The following STK32B variants were observed in gnomAD, a reference collection of about 807,000 sequenced individuals.
The protein encoded by STK32B is serine/threonine-protein kinase 32B.
STK32B carries 43 observed loss-of-function variants against 52.6 expected under a neutral mutation model. That is an observed-to-expected ratio of 0.82 (90% CI 0.64 to 1.05). STK32B has a LOEUF of 1.05. Ranked by LOEUF, STK32B falls within the 50% of genes least tolerant of loss-of-function variation. STK32B has a pLI of 0.00. For missense variants in STK32B, 621 were observed against 534.6 expected (o/e 1.16, Z -1.59); for synonymous variants, 238 against 204.3 (o/e 1.17, Z -1.41).
At chr4:5,436,844 G>A (rs1020160485) in intron 6 of STK32B, among the ~76,000 whole-genome samples, 1 of 125,458 alleles carries the variant, frequency 8.0e-6, no homozygotes, top group African/African-American at 2.8e-5. Context: ...TTCTAATAAG[G>A]AGGTGTGGAG....
At chr4:5,054,262 C>T (rs892024778) in intron 1 of STK32B, among the ~76,000 whole-genome samples, 24 of 152,118 alleles carry the variant, frequency 1.6e-4, no homozygotes, top group African/African-American at 5.6e-4. Flanking sequence ...AGCAAGTAAA[C>T]CACCTGGAAA....
chr4:5,475,424 CAAAA>C (rs34219344), intron 11 of STK32B, among the ~76,000 whole-genome samples: 4 of 56,948 alleles, frequency 7.0e-5, no homozygotes, highest in Admixed American at 2.5e-4. Flanking sequence ...GACTCCATCT[CAAAA>C]AAAAAAAAAA....
At chr4:5,463,566 A>G (rs1385441550) in intron 9 of STK32B, among the ~76,000 whole-genome samples, 1 of 151,860 alleles carries the variant, frequency 6.6e-6, no homozygotes, top group Non-Finnish European at 1.5e-5. Flanking sequence ...TCACACACAT[A>G]CCTACTCATC....
chr4:5,479,098 T>C (rs929742140), intron 11 of STK32B, among the ~76,000 whole-genome samples: 1 of 144,108 alleles, frequency 6.9e-6, no homozygotes, highest in African/African-American at 2.7e-5. Context: ...TTTTTGTTGG[T>C]TTTTGTTTGT....
chr4:5,208,915 T>C (rs1415212043), intron 3 of STK32B, among the ~76,000 whole-genome samples: 1 of 152,262 alleles, frequency 6.6e-6, no homozygotes, highest in African/African-American at 2.4e-5. Context: ...CTTCATTCTT[T>C]ATAAACCTTT....
chr4:5,063,523 AG>A (rs991974283), intron 1 of STK32B, among the ~76,000 whole-genome samples: 57 of 152,122 alleles, frequency 3.7e-4, no homozygotes, highest in African/African-American at 1.3e-3. Flanking sequence ...TTGTATTTTT[AG>A]TAGAGACGGG....
chr4:5,124,342 G>A (rs980740641), intron 1 of STK32B, among the ~76,000 whole-genome samples: 4 of 152,162 alleles, frequency 2.6e-5, no homozygotes, highest in Admixed American at 6.5e-5. Flanking sequence ...TCTTAGTTCT[G>A]CAGCCTCCCT....
intron 2 of STK32B, among the ~76,000 whole-genome samples, chr4:5,147,200 A>G (rs1716980143): frequency 6.6e-6 from 1 of 152,090 alleles, no homozygotes; most frequent in South Asian, 2.1e-4. Flanking sequence ...GGGGGAAGAC[A>G]CTATTGTAAT....
chr4:5,365,820 G>A (rs1209436020), intron 4 of STK32B, among the ~76,000 whole-genome samples: 1 of 152,128 alleles, frequency 6.6e-6, no homozygotes, highest in Non-Finnish European at 1.5e-5. Flanking sequence ...AGTTACAAAC[G>A]CGAGCGTGCA....
chr4:5,348,952 C>T (rs887382414), intron 4 of STK32B, among the ~76,000 whole-genome samples: 3 of 152,204 alleles, frequency 2.0e-5, no homozygotes, highest in Admixed American at 1.3e-4. Context: ...AGCAGGTACC[C>T]ACCCACATGT....
chr4:5,030,368 C>T, the STK32B span, among the ~76,000 whole-genome samples: 2 of 152,180 alleles, frequency 1.3e-5, no homozygotes, highest in African/African-American at 2.4e-5. Context: ...TCCGGATCCC[C>T]CAGACCTAGC....
chr4:5,324,246 G>T (rs570647787), intron 3 of STK32B, among the ~76,000 whole-genome samples: 7 of 152,210 alleles, frequency 4.6e-5, no homozygotes, highest in Non-Finnish European at 7.4e-5. Flanking sequence ...CCCAGCTACT[G>T]GGGAGGGTGA....
intron 3 of STK32B, among the ~76,000 whole-genome samples, chr4:5,276,199 G>A (rs1025124423): frequency 6.6e-6 from 1 of 152,000 alleles, no homozygotes; most frequent in African/African-American, 2.4e-5. Context: ...TTAGGCAGGA[G>A]AATCACTTGA....
chr4:5,331,485 C>T, intron 4 of STK32B, 92 bp downstream of exon 4: 2 of 1,393,774 alleles, frequency 1.4e-6, no homozygotes, highest in Admixed American at 2.4e-5. Context: ...GAATTTTGTC[C>T]TTGACATGGT....
intron 6 of STK32B, among the ~76,000 whole-genome samples, chr4:5,438,300 A>G (rs1354434620): frequency 3.3e-5 from 5 of 152,224 alleles, no homozygotes; most frequent in Non-Finnish European, 5.9e-5. Context: ...TGGGATTCGG[A>G]ATAGCACAGA....
At chr4:5,149,674 T>C (rs1228676520) in intron 2 of STK32B, among the ~76,000 whole-genome samples, 2 of 151,890 alleles carry the variant, frequency 1.3e-5, no homozygotes, top group African/African-American at 4.8e-5. Flanking sequence ...TTGCAGCTTC[T>C]TAAATTATAA....
chr4:5,049,456 C>T (rs143574133), upstream of STK32B, among the ~76,000 whole-genome samples: 2,043 of 152,172 alleles, frequency 0.013, 42 homozygotes, highest in African/African-American at 0.045. Context: ...AAAAGAGAGT[C>T]AGCGAAGAGA....
At chr4:5,414,942 G>T (rs1159850760) in intron 5 of STK32B, among the ~76,000 whole-genome samples, 1 of 152,206 alleles carries the variant, frequency 6.6e-6, no homozygotes, top group African/African-American at 2.4e-5. Flanking sequence ...AACCATATTT[G>T]AAGGCTTCAT....
intron 3 of STK32B, among the ~76,000 whole-genome samples, chr4:5,317,469 TAA>T (rs1207208436): frequency 2.0e-5 from 1 of 50,194 alleles, no homozygotes; most frequent in East Asian, 4.5e-4. Context: ...TATATATGTA[TAA>T]TATATATATT....
Sources: allele counts gnomAD v4.1 joint callset (sites outside exome capture counted in the v4.1 genomes callset), GRCh38; gene constraint gnomAD v4.1.1; transcripts MANE v1.5; gene names NCBI Gene and HGNC (gene_info 2026-07-23, HGNC 2026-07-21).